PRSS23: variants seen among roughly 807,000 people sequenced by gnomAD.
The protein encoded by PRSS23 is protease, serine 23.
In PRSS23, 25 loss-of-function variants were observed where a neutral mutation model predicts 34.7. That is an observed-to-expected ratio of 0.72 (90% CI 0.53 to 1.01). The LOEUF (loss-of-function observed/expected upper bound fraction) is 1.01, where lower values mean the gene tolerates loss of function less well. PRSS23 is among the 50% of genes least tolerant of loss of function. The pLI is 0.00. For missense variants in PRSS23, 445 were observed against 475.6 expected (o/e 0.94, Z 0.60); for synonymous variants, 176 against 186.6 (o/e 0.94, Z 0.46).
chr11:86,888,005 T>C (rs1182356332), intron 2 of PRSS23, among the ~76,000 whole-genome samples: 2 of 151,512 alleles, frequency 1.3e-5, no homozygotes, highest in African/African-American at 2.4e-5. Context: ...TGCACCAAGA[T>C]TGCGCCATTG....
At chr11:86,880,596 C>T (rs561025069) in intron 2 of PRSS23, among the ~76,000 whole-genome samples, 1 of 152,234 alleles carries the variant, frequency 6.6e-6, no homozygotes, top group East Asian at 1.9e-4. Flanking sequence ...AACCCATCAT[C>T]TAGGTTTCAA....
intron 2 of PRSS23, among the ~76,000 whole-genome samples, chr11:86,828,549 G>T (rs1331598924): frequency 1.3e-5 from 2 of 152,118 alleles, no homozygotes; most frequent in Admixed American, 1.3e-4. Context: ...GATGTTAGCT[G>T]GTTATTTTGC....
At chr11:86,908,008 A>G (rs1164431806) in intron 2 of PRSS23, among the ~76,000 whole-genome samples, 3 of 152,368 alleles carry the variant, frequency 2.0e-5, no homozygotes, top group African/African-American at 7.2e-5. Context: ...GTCACTTAGC[A>G]TAATGTCCTC....
intron 1 of PRSS23, among the ~76,000 whole-genome samples, chr11:86,803,946 C>T (rs895208547): frequency 5.9e-5 from 9 of 152,108 alleles, no homozygotes; most frequent in African/African-American, 2.2e-4. Flanking sequence ...TGCCTCCACC[C>T]TCCATAATTC....
chr11:86,842,966 A>G (rs1457085518), intron 2 of PRSS23, among the ~76,000 whole-genome samples: 2 of 152,244 alleles, frequency 1.3e-5, no homozygotes. Context: ...TAGCCAAGAC[A>G]ATCCTAAGCA....
chr11:86,913,034 C>T (rs941079053), intron 2 of PRSS23, among the ~76,000 whole-genome samples: 1 of 152,172 alleles, frequency 6.6e-6, no homozygotes, highest in East Asian at 1.9e-4. Context: ...GGCTGCTTGA[C>T]GTCTGTCTTA....
chr11:86,863,577 A>G (rs1948630268), intron 2 of PRSS23, among the ~76,000 whole-genome samples: 1 of 152,154 alleles, frequency 6.6e-6, no homozygotes, highest in South Asian at 2.1e-4. Context: ...TCACAGGGAC[A>G]TTTCTCATAT....
intron 2 of PRSS23, among the ~76,000 whole-genome samples, chr11:86,904,354 C>T (rs114906328): frequency 2.1e-3 from 322 of 152,106 alleles, no homozygotes; most frequent in African/African-American, 7.5e-3. Context: ...CATCTGCTTC[C>T]GTCCCCATCT....
intron 2 of PRSS23, among the ~76,000 whole-genome samples, chr11:86,903,002 T>C (rs1948921073): frequency 6.6e-6 from 1 of 152,174 alleles, no homozygotes; most frequent in Non-Finnish European, 1.5e-5. Flanking sequence ...AATTGCTCAC[T>C]GGAATGTCCA....
chr11:86,874,945 G>A (rs1196893370), intron 2 of PRSS23, among the ~76,000 whole-genome samples: 1 of 152,198 alleles, frequency 6.6e-6, no homozygotes, highest in African/African-American at 2.4e-5. Flanking sequence ...GCCTTCACAT[G>A]TCTTCTCCAT....
At chr11:86,852,769 TG>T (rs199737094) in intron 2 of PRSS23, among the ~76,000 whole-genome samples, 2,380 of 152,272 alleles carry the variant, frequency 0.016, 61 homozygotes, top group African/African-American at 0.054. Context: ...CGCCCACCCC[TG>T]GGGGCCACCA....
intron 2 of PRSS23, among the ~76,000 whole-genome samples, chr11:86,922,407 G>A (rs1021928634): frequency 6.6e-6 from 1 of 151,980 alleles, no homozygotes; most frequent in Non-Finnish European, 1.5e-5. Context: ...AGGCTGAGAC[G>A]GGAGGACTGC....
intron 2 of PRSS23, among the ~76,000 whole-genome samples, chr11:86,843,221 T>G (rs1948461512): frequency 6.6e-6 from 1 of 152,156 alleles, no homozygotes. Context: ...TAGCCATATG[T>G]AGAAAGCTGA....
intron 2 of PRSS23, among the ~76,000 whole-genome samples, chr11:86,835,444 G>A (rs575050024): frequency 3.9e-5 from 6 of 152,316 alleles, no homozygotes; most frequent in Admixed American, 1.3e-4. Context: ...GTCTTGCCCC[G>A]TTGGCAAGCT....
chr11:86,930,248 T>C (rs570491525), intron 2 of PRSS23, among the ~76,000 whole-genome samples: 33 of 152,034 alleles, frequency 2.2e-4, no homozygotes, highest in Admixed American at 2.0e-3. Flanking sequence ...ATAAAACTTT[T>C]GACAGAATAT....
At chr11:86,920,587 A>G (rs1237401614) in intron 2 of PRSS23, among the ~76,000 whole-genome samples, 4 of 152,156 alleles carry the variant, frequency 2.6e-5, no homozygotes, top group Admixed American at 2.0e-4. Context: ...CGTTTACAGA[A>G]TGGAGTTTGC....
chr11:86,951,422 G>C lies in PRSS23; in HGVS notation c.*137G>C, dbSNP rs1249137168. 1.2e-6 allele frequency: 2 copies of C among 1,613,244 alleles called. No homozygotes were observed. Among genetic ancestry groups the C allele is most frequent in the African/African-American group, 2.7e-5 (2 of 74,912 alleles). On this transcript the variant is annotated 3_prime_UTR_variant, in exon 3 of 3. Transcript: ENST00000533902. ...GGCAATCACACACGTTGCAGGAACT[G>C]TGTACAGTACTGAGAACACCCCAAT... is the stretch of plus-strand genomic sequence containing the variant.
intron 2 of PRSS23, among the ~76,000 whole-genome samples, chr11:86,831,634 C>T (rs147939400): frequency 2.6e-3 from 387 of 151,010 alleles, no homozygotes; most frequent in African/African-American, 9.0e-3. Context: ...GGGTGTACGC[C>T]CTGTGATATC....
intron 2 of PRSS23, among the ~76,000 whole-genome samples, chr11:86,895,308 GCTTTC>G (rs1948866894): frequency 6.6e-6 from 1 of 152,036 alleles, no homozygotes; most frequent in African/African-American, 2.4e-5. Flanking sequence ...CTGGGCTTCT[GCTTTC>G]ACCTTCACTA....
Sources: gnomAD v4.1 joint callset for allele counts (sites outside exome capture counted in the v4.1 genomes callset) on GRCh38, gnomAD v4.1.1 for gene constraint, MANE v1.5 for transcripts, NCBI Gene and HGNC (gene_info 2026-07-23, HGNC 2026-07-21) for gene names.